Variants in MYT1L observed in about 807,000 individuals in gnomAD.
The protein encoded by MYT1L is myelin transcription factor 1-like protein.
In MYT1L, 12 loss-of-function variants were observed where a neutral mutation model predicts 126.7. That is an observed-to-expected ratio of 0.09 (90% CI 0.06 to 0.15). The LOEUF is 0.15. Among genes scored for constraint, MYT1L ranks in the 10% least tolerant of loss-of-function variants. The probability of loss-of-function intolerance (pLI) is 1.00; values close to 1 mark genes in which losing one functional copy is unlikely to be tolerated. For synonymous variants in MYT1L, 541 were observed against 604.2 expected (o/e 0.90, Z 1.53); for missense variants, 979 against 1,585.2 (o/e 0.62, Z 6.49).
chr2:2,073,157 A>G (rs1404946867), intron 3 of MYT1L, among the ~76,000 whole-genome samples: 1 of 152,326 alleles, frequency 6.6e-6, no homozygotes, highest in Admixed American at 6.5e-5. Context: ...AGGTTAGGAT[A>G]TTAACATAAG....
At chr2:1,877,151 T>C (rs2047011967) in intron 18 of MYT1L, among the ~76,000 whole-genome samples, 1 of 152,192 alleles carries the variant, frequency 6.6e-6, no homozygotes. Flanking sequence ...TGCAGCTGCA[T>C]AGGTGAGGAA....
At chr2:2,018,358 A>C (rs1016821651) in intron 4 of MYT1L, among the ~76,000 whole-genome samples, 4 of 152,112 alleles carry the variant, frequency 2.6e-5, no homozygotes, top group Non-Finnish European at 4.4e-5. Flanking sequence ...CCCTCCCGCC[A>C]TCCCACTGGA....
chr2:2,325,117 A>G (rs1023261444), intron 1 of MYT1L: 1 of 152,438 alleles, frequency 6.6e-6, no homozygotes, highest in African/African-American at 2.4e-5. Context: ...CTCTCGTATC[A>G]TTGATGTTAT....
chr2:2,049,946 CGT>C (rs552109095), intron 4 of MYT1L, among the ~76,000 whole-genome samples: 166 of 149,732 alleles, frequency 1.1e-3, no homozygotes, highest in African/African-American at 3.3e-3. Flanking sequence ...AACTTATATA[CGT>C]GTGTGTGTGT....
At chr2:2,132,985 T>C (rs574647647) in intron 3 of MYT1L, among the ~76,000 whole-genome samples, 1 of 152,262 alleles carries the variant, frequency 6.6e-6, no homozygotes, top group South Asian at 2.1e-4. Context: ...TCTTTTCATA[T>C]TCACTGACAA....
At chr2:2,181,208 C>T (rs2091472919) in intron 2 of MYT1L, among the ~76,000 whole-genome samples, 1 of 150,618 alleles carries the variant, frequency 6.6e-6, no homozygotes, top group African/African-American at 2.4e-5. Context: ...TGCCGTGTAC[C>T]TGTGTTTGTG....
At chr2:1,978,518 C>T (rs6727410) in intron 8 of MYT1L, among the ~76,000 whole-genome samples, 61,193 of 152,058 alleles carry the variant, frequency 0.4, 15,290 homozygotes, top group African/African-American at 0.72. Flanking sequence ...TCTGCCATGA[C>T]ACATTTTGAG....
At chr2:1,944,436 G>C (rs1573835386) in intron 8 of MYT1L, among the ~76,000 whole-genome samples, 1 of 152,182 alleles carries the variant, frequency 6.6e-6, no homozygotes, top group Admixed American at 6.5e-5. Context: ...TGCAGAACGA[G>C]ATGTGTGGCC....
In MYT1L at chr2:2,224,195, C is replaced by A. The variant is rs2093953054; in HGVS notation, c.-420-51207G>T. On this transcript the variant is annotated intron_variant, in intron 2 of 24. Coordinates refer to ENST00000647738, the MANE Select transcript of MYT1L (RefSeq NM_001303052.2). The surrounding 1 kb of genome is among the most constrained non-coding windows in gnomAD (Gnocchi z 4.0). ...TATGTGAACAGGATCTTCTGCCTTT[C>A]TTATAGGGAAGAATTCTGTGACGAG... Among the ~76,000 whole-genome samples the A allele has an allele frequency of 6.6e-6, 1 of 152,184 alleles. No homozygotes were observed. The highest frequency in any genetic ancestry group is 2.4e-5 in the African/African-American group (1 of 41,434).
chr2:2,178,229 A>C (rs1257655063), intron 2 of MYT1L, among the ~76,000 whole-genome samples: 1 of 152,140 alleles, frequency 6.6e-6, no homozygotes. Flanking sequence ...ATGACTAATA[A>C]ATTTAGGTTA....
At chr2:2,299,052 C>T (rs2095743658) in intron 1 of MYT1L, among the ~76,000 whole-genome samples, 1 of 152,054 alleles carries the variant, frequency 6.6e-6, no homozygotes, top group Non-Finnish European at 1.5e-5. Context: ...CAGGGTTTCA[C>T]CATGTTAGCC....
At chr2:2,011,352 G>A (rs1396459015) in intron 4 of MYT1L, among the ~76,000 whole-genome samples, 1 of 151,182 alleles carries the variant, frequency 6.6e-6, no homozygotes, top group Non-Finnish European at 1.5e-5. Flanking sequence ...GCAGTGAGCC[G>A]AGATTGCGCC....
rs1491078195 is a variant in MYT1L at position 1,840,902 on chromosome 2, TTC to T, written c.2775-61_2775-60del. On this transcript the variant is annotated intron_variant, in intron 19 of 24. Transcript: ENST00000647738. ...CACCGTTGATTTCAGTGAGCTTTCT[TTC>T]TTTTTTTTTTTTTTTTTGAGACAGA... 9.8e-3 allele frequency: 8,914 copies of T among 908,808 alleles called. 165 individuals carry two copies. Among genetic ancestry groups the T allele is most frequent in the African/African-American group, 0.033 (1,615 of 49,096 alleles). 56.3% of individuals were successfully genotyped at this position (908,808 alleles called of 1,614,324 possible).
At chr2:1,867,253 G>T (rs2045698872) in intron 18 of MYT1L, among the ~76,000 whole-genome samples, 1 of 152,046 alleles carries the variant, frequency 6.6e-6, no homozygotes, top group Admixed American at 6.6e-5. Context: ...TGTGGATGAA[G>T]GGGGGCCTTG....
At position 2,254,001 on chromosome 2, in the gene MYT1L, C is replaced by G. The variant is rs191016655; in HGVS notation, c.-421+30403G>C. Among the ~76,000 whole-genome samples the G allele has an allele frequency of 1.9e-3, 292 of 152,214 alleles. 2 individuals are homozygous for G. The highest frequency in any genetic ancestry group is 6.7e-3 in the African/African-American group (277 of 41,528). On this transcript the variant is annotated intron_variant, in intron 2 of 24. Transcript: ENST00000647738. ...CATAAAGACACACATATATGCACCCCCAGCACACTATGTATAAAAGATAAC... is the reference window on the plus strand; with the variant it reads ...CATAAAGACACACATATATGCACCCGCAGCACACTATGTATAAAAGATAAC...
intron 2 of MYT1L, among the ~76,000 whole-genome samples, chr2:2,190,057 C>T (rs2092492703): frequency 2.0e-5 from 3 of 152,212 alleles, no homozygotes; most frequent in South Asian, 4.1e-4. Flanking sequence ...TGTTTCTCCT[C>T]TCTCCCATAG....
At chr2:2,073,007 A>G (rs1173178140) in intron 3 of MYT1L, among the ~76,000 whole-genome samples, 2 of 152,238 alleles carry the variant, frequency 1.3e-5, no homozygotes, top group East Asian at 3.9e-4. Context: ...TTTGGTTTGT[A>G]GACAGTGTCT....
chr2:2,145,102 G>A (rs1174508072), intron 3 of MYT1L, among the ~76,000 whole-genome samples: 1 of 152,202 alleles, frequency 6.6e-6, no homozygotes, highest in Admixed American at 6.5e-5. Context: ...GCAAGAACCT[G>A]TGAGACGTCT....
At position 1,889,109 on chromosome 2, in the gene MYT1L, C is replaced by A; in HGVS notation, c.2520+132G>T. On this transcript the variant is annotated intron_variant, in intron 16 of 24. Transcript: ENST00000647738. This position sits in a 1 kb window ranked among gnomAD's most constrained non-coding sequence, Gnocchi z 4.1. The stretch of plus-strand genomic sequence containing the variant: ...GGTCAACAAAAACTGTTTTCTAAGT[C>A]CTCCTCAGCTAAAGGTCATATTTAA... 4 of 652,922 alleles carry A rather than the reference C, an allele frequency of 6.1e-6. No homozygotes were observed. The highest frequency in any genetic ancestry group is 1.0e-5 in the Non-Finnish European group (4 of 397,386). 40.4% of individuals were successfully genotyped at this position (652,922 alleles called of 1,614,324 possible). A position where few individuals can be genotyped will look rare whatever the true frequency, so the allele number is the denominator to read the frequency against.
Sources: gnomAD v4.1 joint callset for allele counts (sites outside exome capture counted in the v4.1 genomes callset) on GRCh38, gnomAD v4.1.1 for gene constraint, Gnocchi (gnomAD v3.1) non-coding constraint, MANE v1.5 for transcripts, NCBI Gene and HGNC (gene_info 2026-07-23, HGNC 2026-07-21) for gene names.